Variants in CHRM3 observed in about 807,000 individuals in gnomAD.
CHRM3 encodes cholinergic receptor muscarinic 3, also known as muscarinic acetylcholine receptor M3.
A neutral mutation model predicts 41.8 loss-of-function variants in CHRM3; 11 were observed. That is an observed-to-expected ratio of 0.26 (90% CI 0.17 to 0.44). The LOEUF is 0.44. Ranked by LOEUF, CHRM3 falls within the 20% of genes least tolerant of loss-of-function variation. The probability of loss-of-function intolerance (pLI) is 1.00; values close to 1 mark genes in which losing one functional copy is unlikely to be tolerated. For missense variants in CHRM3, 571 were observed against 745.4 expected (o/e 0.77, Z 2.72); for synonymous variants, 297 against 301.4 (o/e 0.99, Z 0.15).
chr1:239,486,645 T>A (rs904511926), intron 1 of CHRM3, among the ~76,000 whole-genome samples: 1 of 151,914 alleles, frequency 6.6e-6, no homozygotes, highest in Non-Finnish European at 1.5e-5. Flanking sequence ...AATGAAAGAG[T>A]GTGATTGTGT....
At chr1:239,799,944 T>C (rs909676333) in intron 5 of CHRM3, among the ~76,000 whole-genome samples, 1 of 152,192 alleles carries the variant, frequency 6.6e-6, no homozygotes, top group African/African-American at 2.4e-5. Flanking sequence ...AAGAGTTGCC[T>C]TAGGGACACT....
At chr1:239,398,889 A>G (rs1201962919) in intron 1 of CHRM3, among the ~76,000 whole-genome samples, 3 of 152,168 alleles carry the variant, frequency 2.0e-5, no homozygotes, top group Non-Finnish European at 4.4e-5. Context: ...GGCAAGCAGG[A>G]TATAACTTGG....
In CHRM3 at chr1:239,820,797, C is replaced by T. The variant is rs557506479; in HGVS notation, c.-146-6455C>T. Among the ~76,000 whole-genome samples the T allele has an allele frequency of 7.9e-5, 12 of 152,202 alleles. No individual in the cohort carries two copies. In the South Asian group the frequency reaches 1.0e-3, roughly 13 times the overall value. The stretch of plus-strand genomic sequence containing the variant: ...ATTTCTTGAAATAATTTTATTAGTA[C>T]TATCCAGAAAGGAACCATTATATGA... On this transcript the variant is annotated intron_variant, in intron 5 of 6. Transcript: ENST00000676153.
chr1:239,620,381 G>A (rs552658919), intron 3 of CHRM3, among the ~76,000 whole-genome samples: 1 of 152,116 alleles, frequency 6.6e-6, no homozygotes, highest in Non-Finnish European at 1.5e-5. Context: ...ATAATAAATA[G>A]ATACATCTGT....
intron 3 of CHRM3, among the ~76,000 whole-genome samples, chr1:239,563,589 T>C (rs1042128484): frequency 6.6e-6 from 1 of 152,198 alleles, no homozygotes; most frequent in Admixed American, 6.5e-5. Flanking sequence ...AGATTTTTTT[T>C]GTTTGTACTA....
chr1:239,878,875 C>T (rs571244679), intron 6 of CHRM3, among the ~76,000 whole-genome samples: 1 of 152,120 alleles, frequency 6.6e-6, no homozygotes, highest in Admixed American at 6.5e-5. Context: ...CTAATTCAGC[C>T]TGAGGAGGAA....
intron 4 of CHRM3, among the ~76,000 whole-genome samples, chr1:239,667,249 C>T (rs903303265): frequency 1.3e-5 from 2 of 152,196 alleles, no homozygotes; most frequent in Middle Eastern, 3.2e-3. Context: ...TACACACATA[C>T]ACCCAGCACA....
chr1:239,667,747 C>G (rs1490322864), intron 4 of CHRM3, among the ~76,000 whole-genome samples: 1 of 152,090 alleles, frequency 6.6e-6, no homozygotes, highest in African/African-American at 2.4e-5. Flanking sequence ...TGTGTACAAA[C>G]CCCCTTATCT....
chr1:239,512,589 C>G (rs1668995785), intron 2 of CHRM3, among the ~76,000 whole-genome samples: 1 of 152,040 alleles, frequency 6.6e-6, no homozygotes, highest in Non-Finnish European at 1.5e-5. Context: ...TTCATTCCTT[C>G]CTTCCTTGTA....
chr1:239,843,668 C>G (rs535016691), intron 6 of CHRM3, among the ~76,000 whole-genome samples: 1 of 152,088 alleles, frequency 6.6e-6, no homozygotes, highest in African/African-American at 2.4e-5. Flanking sequence ...TTCCACGTTA[C>G]CAGCTAAAAA....
intron 1 of CHRM3, among the ~76,000 whole-genome samples, chr1:239,428,364 T>C (rs1162487143): frequency 6.6e-6 from 1 of 152,154 alleles, no homozygotes; most frequent in Non-Finnish European, 1.5e-5. Flanking sequence ...TGAGTAGATA[T>C]TTCAGAGTGC....
rs192740737 is a variant in CHRM3 at position 239,449,082 on chromosome 1, G to T, written c.-520-43627G>T. Among the ~76,000 whole-genome samples the T allele has an allele frequency of 8.5e-5, 13 of 152,212 alleles. No homozygotes were observed. The East Asian group carries it at 1.9e-3, about 23-fold the overall frequency. On this transcript the variant is annotated intron_variant, in intron 1 of 6. Coordinates refer to ENST00000676153, the MANE Select transcript of CHRM3 (RefSeq NM_001375978.1). Reference sequence around the variant, plus strand: ...GTTACCATAAAAGTATAAACTGAAAGGTAGCAATGATGGGTGAGTGTAATA... The same window carrying T: ...GTTACCATAAAAGTATAAACTGAAATGTAGCAATGATGGGTGAGTGTAATA...
Position 239,909,170 on chromosome 1 carries a change from C to T in CHRM3, c.1719C>T (p.Tyr573=). 6.2e-7 allele frequency: 1 copy of T among 1,613,566 alleles called. No homozygotes were observed. The highest frequency in any genetic ancestry group is 1.1e-5 in the South Asian group (1 of 91,028). ...AAAAAAAGAGGCGCAAGCAGCAGTA[C>T]CAGCAGAGACAGTCGGTCATTTTTC... The part of the protein sequence containing the change: ...CDKKKRRKQQ[Y]QQRQSVIFHK... Residue 573 remains tyrosine (Y), a synonymous_variant, in exon 7 of 7, where the codon TAC becomes TAT. Transcript: ENST00000676153.
intron 5 of CHRM3, among the ~76,000 whole-genome samples, chr1:239,752,484 G>A (rs1300507853): frequency 1.3e-5 from 2 of 152,018 alleles, no homozygotes; most frequent in Admixed American, 1.3e-4. Flanking sequence ...ATTAGTGAGT[G>A]GAAATAAATA....
intron 6 of CHRM3, among the ~76,000 whole-genome samples, chr1:239,837,973 A>C (rs1261505069): frequency 6.6e-6 from 1 of 152,256 alleles, no homozygotes; most frequent in African/African-American, 2.4e-5. Context: ...CAATACTAAA[A>C]GGCAAAAATA....
intron 5 of CHRM3, among the ~76,000 whole-genome samples, chr1:239,693,768 A>G (rs1659931736): frequency 6.6e-6 from 1 of 152,190 alleles, no homozygotes; most frequent in Non-Finnish European, 1.5e-5. Flanking sequence ...ATTAGAGTGA[A>G]AAGACACTTT....
chr1:239,816,222 T>C (rs1027413073), intron 5 of CHRM3, among the ~76,000 whole-genome samples: 1 of 152,174 alleles, frequency 6.6e-6, no homozygotes, highest in African/African-American at 2.4e-5. Context: ...TTGCGATTGA[T>C]GGCTGCTGCT....
At position 239,748,691 on chromosome 1, in the gene CHRM3, A is replaced by T. The variant is rs1665565997; in HGVS notation, c.-147+70403A>T. ...GGCCAGGGAATATGTGATTAGTCCA[A>T]ACTGGATGGATTTAATTCACTTGAT... On this transcript the variant is annotated intron_variant, in intron 5 of 6. Coordinates refer to ENST00000676153, the MANE Select transcript of CHRM3 (RefSeq NM_001375978.1). The surrounding 1 kb of genome is among the most constrained non-coding windows in gnomAD (Gnocchi z 4.3). Among the ~76,000 whole-genome samples, 1 of 152,232 alleles carries T rather than the reference A, an allele frequency of 6.6e-6. No individual in the cohort carries two copies. The highest frequency in any genetic ancestry group is 1.5e-5 in the Non-Finnish European group (1 of 68,038).
chr1:239,781,453 G>T (rs1668504158), intron 5 of CHRM3, among the ~76,000 whole-genome samples: 1 of 152,170 alleles, frequency 6.6e-6, no homozygotes, highest in Non-Finnish European at 1.5e-5. Flanking sequence ...CTGCAACATT[G>T]CTACAATTGC....
Sources: gnomAD v4.1 joint callset for allele counts (sites outside exome capture counted in the v4.1 genomes callset) on GRCh38, gnomAD v4.1.1 for gene constraint, Gnocchi (gnomAD v3.1) non-coding constraint, MANE v1.5 for transcripts, NCBI Gene and HGNC (gene_info 2026-07-23, HGNC 2026-07-21) for gene names.